Variants in PTPRQ observed in about 807,000 individuals in gnomAD.
The protein encoded by PTPRQ is phosphatidylinositol phosphatase PTPRQ.
A neutral mutation model predicts 246.0 loss-of-function variants in PTPRQ; 199 were observed. The ratio of observed to expected loss-of-function variants is 0.81; its 90% CI spans 0.72 to 0.91. PTPRQ has a LOEUF of 0.91. Ranked by LOEUF, PTPRQ falls within the 40% of genes least tolerant of loss-of-function variation. The probability of loss-of-function intolerance (pLI) is 0.00; values close to 1 mark genes in which losing one functional copy is unlikely to be tolerated. For missense variants in PTPRQ, 2,624 were observed against 2,528.4 expected (o/e 1.04, Z -0.81); for synonymous variants, 869 against 853.2 (o/e 1.02, Z -0.32).
chr12:80,586,870 G>A (rs993354025), intron 25 of PTPRQ: 2 of 152,170 alleles, frequency 1.3e-5, no homozygotes, highest in African/African-American at 2.4e-5. Flanking sequence ...TTTACATTGT[G>A]TTAGGTATTG....
At chr12:80,534,555 A>T (rs1461529051) in intron 18 of PTPRQ, among the ~76,000 whole-genome samples, 1 of 152,100 alleles carries the variant, frequency 6.6e-6, no homozygotes, top group Non-Finnish European at 1.5e-5. Flanking sequence ...CAATATAAAA[A>T]TTCTAAGTTA....
intron 33 of PTPRQ, among the ~76,000 whole-genome samples, chr12:80,626,538 ACCT>A (rs1438912049): frequency 1.3e-5 from 2 of 152,244 alleles, no homozygotes; most frequent in East Asian, 3.9e-4. Context: ...CTGTAACAAC[ACCT>A]CCTATTTACA....
At chr12:80,595,395 C>G (rs1897936359) in intron 26 of PTPRQ, among the ~76,000 whole-genome samples, 1 of 151,976 alleles carries the variant, frequency 6.6e-6, no homozygotes, top group Non-Finnish European at 1.5e-5. Flanking sequence ...GTTACAGTGT[C>G]AAAATTCTCC....
intron 43 of PTPRQ, among the ~76,000 whole-genome samples, 197 bp from the exon 44 acceptor site, chr12:80,678,405 T>G (rs902657718): frequency 6.6e-6 from 1 of 152,122 alleles, no homozygotes; most frequent in African/African-American, 2.4e-5. Context: ...ACTTGAAGCT[T>G]CAAGAGACCA....
intron 3 of PTPRQ, among the ~76,000 whole-genome samples, chr12:80,455,336 AAGTTT>A (rs1289681612): frequency 6.6e-6 from 1 of 152,228 alleles, no homozygotes; most frequent in African/African-American, 2.4e-5. Flanking sequence ...AAAATAAATC[AAGTTT>A]AAATTAAATA....
At chr12:80,581,740 G>T (rs1160653347) in intron 25 of PTPRQ, among the ~76,000 whole-genome samples, 2 of 151,932 alleles carry the variant, frequency 1.3e-5, no homozygotes, top group South Asian at 2.1e-4. Flanking sequence ...ATCACAAAAA[G>T]GTTATATTAA....
At chr12:80,667,095 A>G (rs913687805) in intron 39 of PTPRQ, among the ~76,000 whole-genome samples, 4 of 151,918 alleles carry the variant, frequency 2.6e-5, no homozygotes, top group Non-Finnish European at 5.9e-5. Flanking sequence ...AGCACCACTT[A>G]TACTCCCTGC....
At chr12:80,562,162 G>A (rs1896847192) in intron 25 of PTPRQ, among the ~76,000 whole-genome samples, 1 of 152,074 alleles carries the variant, frequency 6.6e-6, no homozygotes, top group South Asian at 2.1e-4. Context: ...TGGCATTGAT[G>A]TATGTGTATA....
intron 26 of PTPRQ, among the ~76,000 whole-genome samples, chr12:80,590,516 A>G (rs1897759095): frequency 6.6e-6 from 1 of 151,812 alleles, no homozygotes; most frequent in African/African-American, 2.4e-5. Flanking sequence ...AAAATACAAA[A>G]AATTAGCCAG....
intron 29 of PTPRQ, among the ~76,000 whole-genome samples, chr12:80,615,764 G>A (rs1592719911): frequency 6.6e-6 from 1 of 151,056 alleles, no homozygotes; most frequent in East Asian, 2.0e-4. Flanking sequence ...GAAGGCCAGA[G>A]TTACCTAGCT....
chr12:80,596,785 C>A (rs1897983852), intron 26 of PTPRQ, among the ~76,000 whole-genome samples: 1 of 151,876 alleles, frequency 6.6e-6, no homozygotes, highest in African/African-American at 2.4e-5. Context: ...ATGAAAATTC[C>A]AAACTATAGA....
At chr12:80,632,527 T>A (rs148282719) in intron 34 of PTPRQ, among the ~76,000 whole-genome samples, 12 of 152,216 alleles carry the variant, frequency 7.9e-5, no homozygotes, top group African/African-American at 2.9e-4. Context: ...ACAGAAAACA[T>A]TTAATGTAAA....
intron 6 of PTPRQ, among the ~76,000 whole-genome samples, chr12:80,465,852 A>G (rs113517580): frequency 0.096 from 14,670 of 152,186 alleles, 1,507 homozygotes; most frequent in African/African-American, 0.25. Flanking sequence ...GGTGGGACGT[A>G]TCTCAAAATA....
chr12:80,566,375 G>T (rs968738200), intron 25 of PTPRQ, among the ~76,000 whole-genome samples: 1 of 152,016 alleles, frequency 6.6e-6, no homozygotes, highest in Non-Finnish European at 1.5e-5. Flanking sequence ...CTACTTGGGA[G>T]GCTGAGGCAG....
At chr12:80,650,733 T>G (rs1477043083) in intron 37 of PTPRQ, among the ~76,000 whole-genome samples, 1 of 152,022 alleles carries the variant, frequency 6.6e-6, no homozygotes, top group Non-Finnish European at 1.5e-5. Flanking sequence ...AATTCTCAAT[T>G]TTTCAGGAGC....
intron 39 of PTPRQ, among the ~76,000 whole-genome samples, chr12:80,658,572 C>T (rs1186057394): frequency 6.6e-6 from 1 of 151,972 alleles, no homozygotes; most frequent in Non-Finnish European, 1.5e-5. Flanking sequence ...GAAGGAAGTG[C>T]CTTGAATTTG....
chr12:80,480,122 A>G (rs1269774799), intron 8 of PTPRQ, among the ~76,000 whole-genome samples: 1 of 152,204 alleles, frequency 6.6e-6, no homozygotes, highest in Non-Finnish European at 1.5e-5. Flanking sequence ...CATACTTGGA[A>G]GTAAAGCTCT....
At chr12:80,462,103 T>A (rs938130064) in intron 6 of PTPRQ, 26 of 574,268 alleles carry the variant, frequency 4.5e-5, no homozygotes, top group Middle Eastern at 3.2e-4. Flanking sequence ...GGAGTTCCCT[T>A]TCCTAGTCAA....
In PTPRQ at chr12:80,468,719, G is replaced by A. The variant is rs1180443970; in HGVS notation, c.920G>A (p.Gly307Glu). The change falls in exon 7 of 45, where the codon GGA becomes GAA. Residue 307 changes from glycine to glutamate, a missense_variant. Coordinates refer to ENST00000644991, the MANE Select transcript of PTPRQ (RefSeq NM_001145026.2). ...TCTATAATTATTTTAGTGCCTGAAGGACCACCACAAAACTGCGTAACAGGC... is the reference window on the plus strand; with the variant it reads ...TCTATAATTATTTTAGTGCCTGAAGAACCACCACAAAACTGCGTAACAGGC... ...IVRTPESVPE[G>E]PPQNCVTGNI... is the part of the protein sequence containing the mutation. 7 of 1,539,134 alleles carry A rather than the reference G, an allele frequency of 4.5e-6. No individual in the cohort carries two copies. The African/African-American group carries it at 9.6e-5, about 21-fold the overall frequency.
Sources: gnomAD v4.1 joint callset for allele counts (sites outside exome capture counted in the v4.1 genomes callset) on GRCh38, gnomAD v4.1.1 for gene constraint, MANE v1.5 for transcripts, NCBI Gene and HGNC (gene_info 2026-07-23, HGNC 2026-07-21) for gene names.